The following KIAA1217 variants were observed in gnomAD, a reference collection of about 807,000 sequenced individuals.
KIAA1217 encodes sickle tail protein homolog.
In KIAA1217, 88 loss-of-function variants were observed where a neutral mutation model predicts 163.9. The ratio of observed to expected loss-of-function variants is 0.54; its 90% CI spans 0.45 to 0.64. The LOEUF is 0.64. Ranked by LOEUF, KIAA1217 falls within the 30% of genes least tolerant of loss-of-function variation. The pLI, the probability that KIAA1217 is intolerant of heterozygous loss-of-function variation, is 0.00. For missense variants in KIAA1217, 2,372 were observed against 2,475.0 expected, an observed-to-expected ratio of 0.96 and a Z score of 0.88; for synonymous variants, 903 against 923.1, an observed-to-expected ratio of 0.98 and a Z score of 0.39.
intron 1 of KIAA1217, among the ~76,000 whole-genome samples, chr10:23,782,855 A>G (rs551187465): frequency 3.2e-4 from 48 of 152,274 alleles, no homozygotes; most frequent in African/African-American, 1.1e-3. Context: ...TGCTCTTGCC[A>G]GTACTTCTAC....
chr10:24,147,291 G>A (rs944805808), intron 2 of KIAA1217, among the ~76,000 whole-genome samples: 3 of 152,194 alleles, frequency 2.0e-5, no homozygotes, highest in Non-Finnish European at 4.4e-5. Context: ...GGAGAGTGAA[G>A]AGTAGATTGT....
intron 1 of KIAA1217, among the ~76,000 whole-genome samples, chr10:23,968,317 T>C (rs969589318): frequency 3.9e-5 from 6 of 152,222 alleles, no homozygotes; most frequent in Admixed American, 2.0e-4. Flanking sequence ...TGTTTAACAA[T>C]GAATGAAGTT....
intron 5 of KIAA1217, among the ~76,000 whole-genome samples, chr10:24,467,396 G>A (rs1278498104): frequency 1.3e-5 from 2 of 152,092 alleles, no homozygotes; most frequent in African/African-American, 2.4e-5. Context: ...GGGCAGTAAT[G>A]GAAAGAAGAA....
chr10:23,796,842 G>T lies in KIAA1217; in HGVS notation c.-321+101608G>T, dbSNP rs555219616. ...GACTTTAGTGCTTTTTAAGATATAT[G>T]TATGTATACATACATACATAAATAT... On this transcript the variant is annotated intron_variant, in intron 1 of 18. Coordinates refer to the KIAA1217 transcript ENST00000376462. 2.6e-5 allele frequency among the ~76,000 whole-genome samples: 4 copies of T among 151,834 alleles called. No individual in the cohort carries two copies. In the South Asian group the frequency reaches 8.4e-4, roughly 32 times the overall value.
chr10:24,004,429 A>G (rs1269338052), intron 1 of KIAA1217, among the ~76,000 whole-genome samples: 1 of 152,186 alleles, frequency 6.6e-6, no homozygotes, highest in Non-Finnish European at 1.5e-5. Flanking sequence ...CCACTTGGCC[A>G]TTTTTAGTAG....
Position 24,525,431 on chromosome 10 carries a change from G to A in KIAA1217, c.2898+667G>A, listed in dbSNP as rs908134194. On this transcript the variant is annotated intron_variant, in intron 13 of 20. Transcript: ENST00000376454. ...ACAAGAACGAGGACCTAAGACTGGGGAAATGGGCTGGAAACTGACTTGAGT... is the reference window on the plus strand; with the variant it reads ...ACAAGAACGAGGACCTAAGACTGGGAAAATGGGCTGGAAACTGACTTGAGT... 4.6e-5 allele frequency among the ~76,000 whole-genome samples: 7 copies of A among 152,212 alleles called. No homozygotes were observed. In the East Asian group the frequency reaches 1.3e-3, roughly 29 times the overall value.
At position 24,180,313 on chromosome 10, in the gene KIAA1217, G is replaced by T. The variant is rs570574270; in HGVS notation, c.-170-39313G>T. Among the ~76,000 whole-genome samples the T allele has an allele frequency of 2.3e-5, 3 of 132,066 alleles. No individual in the cohort carries two copies. The East Asian group carries it at 6.4e-4, about 28-fold the overall frequency. 86.6% of individuals were successfully genotyped at this position (132,066 alleles called of 152,430 possible). A position where few individuals can be genotyped will look rare whatever the true frequency, so the allele number is the denominator to read the frequency against. On this transcript the variant is annotated intron_variant, in intron 2 of 18. Transcript: ENST00000376462. ...TTTTTTTTTTTTTTTTTGAGACAGGGTCTCGCTCTGTCACCCAGGCTAGAG... is the reference window on the plus strand; with the variant it reads ...TTTTTTTTTTTTTTTTTGAGACAGGTTCTCGCTCTGTCACCCAGGCTAGAG...
chr10:23,765,187 CTTTT>C (rs67342339), intron 1 of KIAA1217, among the ~76,000 whole-genome samples: 178 of 75,346 alleles, frequency 2.4e-3, no homozygotes, highest in African/African-American at 8.9e-3. Flanking sequence ...TTTTTGTTCT[CTTTT>C]TTTTTTTTTT....
chr10:23,953,454 G>C (rs1844426744), intron 1 of KIAA1217, among the ~76,000 whole-genome samples: 1 of 152,172 alleles, frequency 6.6e-6, no homozygotes, highest in Non-Finnish European at 1.5e-5. Context: ...AATGGCTAGA[G>C]GTATCAGCTA....
rs549499152 is a variant in KIAA1217 at position 24,124,994 on chromosome 10, C to T, written c.-170-94632C>T. On this transcript the variant is annotated intron_variant, in intron 2 of 18. Coordinates refer to the KIAA1217 transcript ENST00000376462. ...CTTAGAAAGCTGGTAGATTTGTTGG[C>T]CGGGTGCAGTGGCTCATGTTTGTAA... Among the ~76,000 whole-genome samples, 2 of 152,230 alleles carry T rather than the reference C, an allele frequency of 1.3e-5. 1 individual carries two copies. The highest frequency in any genetic ancestry group is 4.1e-4 in the South Asian group (2 of 4,824).
chr10:24,505,817 G>A (rs1019614193), intron 9 of KIAA1217, among the ~76,000 whole-genome samples: 1 of 152,092 alleles, frequency 6.6e-6, no homozygotes, highest in Admixed American at 6.6e-5. Context: ...GTAGTGCATA[G>A]AGCCCTATGT....
intron 5 of KIAA1217, among the ~76,000 whole-genome samples, chr10:24,447,177 G>A (rs182758300): frequency 2.0e-5 from 3 of 151,588 alleles, no homozygotes; most frequent in Admixed American, 1.3e-4. Context: ...ATTGATGCAC[G>A]CTTCTTTTTC....
chr10:24,363,916 CT>C (rs1473175141), intron 2 of KIAA1217, among the ~76,000 whole-genome samples: 1 of 151,712 alleles, frequency 6.6e-6, no homozygotes, highest in African/African-American at 2.4e-5. Flanking sequence ...TGATAAACTA[CT>C]GATTATCATT....
intron 2 of KIAA1217, among the ~76,000 whole-genome samples, chr10:24,288,437 C>G (rs2078766820): frequency 6.6e-6 from 1 of 152,220 alleles, no homozygotes; most frequent in African/African-American, 2.4e-5. Context: ...TCTTGTTCAC[C>G]ATGCCTTCAG....
intron 1 of KIAA1217, among the ~76,000 whole-genome samples, chr10:23,834,398 A>G (rs921385063): frequency 2.0e-4 from 30 of 152,140 alleles, no homozygotes; most frequent in African/African-American, 7.2e-4. Flanking sequence ...CATTACTTTT[A>G]TAATATTTAT....
At position 24,502,359 on chromosome 10, in the gene KIAA1217, G is replaced by A. The variant is rs371161342; in HGVS notation, c.2001+814G>A. Among the ~76,000 whole-genome samples, 11 of 149,202 alleles carry A rather than the reference G, an allele frequency of 7.4e-5. No individual in the cohort carries two copies. In the South Asian group the frequency reaches 1.1e-3, roughly 14 times the overall value. On this transcript the variant is annotated intron_variant, in intron 9 of 20. Coordinates refer to ENST00000376454, the MANE Select transcript of KIAA1217 (RefSeq NM_019590.5). ...AAAAGCCATCATGGTGATTTGTTACGAAAAACATCTGCATTTCATTCAGAT... is the reference window on the plus strand; with the variant it reads ...AAAAGCCATCATGGTGATTTGTTACAAAAAACATCTGCATTTCATTCAGAT...
At chr10:24,184,842 A>G (rs1298474312) in intron 2 of KIAA1217, among the ~76,000 whole-genome samples, 1 of 152,222 alleles carries the variant, frequency 6.6e-6, no homozygotes, top group African/African-American at 2.4e-5. Flanking sequence ...AGGTCTTTAT[A>G]CTTGGAAATC....
intron 2 of KIAA1217, among the ~76,000 whole-genome samples, chr10:24,299,294 T>C (rs1421856254): frequency 6.6e-6 from 1 of 152,202 alleles, no homozygotes; most frequent in African/African-American, 2.4e-5. Context: ...ATCACTCTCT[T>C]CCTCTAAAAT....
At chr10:24,330,352 A>T (rs925502125) in intron 2 of KIAA1217, among the ~76,000 whole-genome samples, 1 of 151,662 alleles carries the variant, frequency 6.6e-6, no homozygotes, top group Non-Finnish European at 1.5e-5. Context: ...AGGCTATGTT[A>T]CCCTTTGGAC....
Sources: gnomAD v4.1 joint callset for allele counts (sites outside exome capture counted in the v4.1 genomes callset) on GRCh38, gnomAD v4.1.1 for gene constraint, MANE v1.5 for transcripts, NCBI Gene and HGNC (gene_info 2026-07-23, HGNC 2026-07-21) for gene names.